Variants in EEPD1 observed in about 807,000 individuals in gnomAD.
EEPD1 encodes endonuclease/exonuclease/phosphatase family domain containing 1, also known as endonuclease/exonuclease/phosphatase family domain-containing protein 1.
Under a neutral mutation model 46.3 loss-of-function variants are expected in EEPD1, and 17 were observed. The observed-to-expected ratio is 0.37, with a 90% CI of 0.25 to 0.55. EEPD1 has a LOEUF of 0.55. Ranked by LOEUF, EEPD1 falls within the 20% of genes least tolerant of loss-of-function variation. The pLI, the probability that EEPD1 is intolerant of heterozygous loss-of-function variation, is 0.83. For synonymous variants in EEPD1, 313 were observed against 315.6 expected (o/e 0.99, Z 0.09); for missense variants, 673 against 745.6 (o/e 0.90, Z 1.13).
chr7:36,155,301 G>T, intron 2 of EEPD1, 99 bp downstream of exon 2: 1 of 1,357,550 alleles, frequency 7.4e-7, no homozygotes, highest in Non-Finnish European at 9.6e-7. Context: ...GGGTAGGGAG[G>T]GTGCAAGAGT....
chr7:36,247,925 GCCT>G (rs1449161647), intron 3 of EEPD1, among the ~76,000 whole-genome samples: 2 of 152,160 alleles, frequency 1.3e-5, no homozygotes, highest in African/African-American at 4.8e-5. Flanking sequence ...GTTGGTGTTA[GCCT>G]CCTCCAGCAG....
At chr7:36,226,201 G>T (rs1034125725) in intron 2 of EEPD1, among the ~76,000 whole-genome samples, 2 of 152,298 alleles carry the variant, frequency 1.3e-5, no homozygotes, top group Non-Finnish European at 2.9e-5. Flanking sequence ...CTGCTTGTCC[G>T]AAATGGGATG....
At chr7:36,207,796 G>C (rs992564145) in intron 2 of EEPD1, among the ~76,000 whole-genome samples, 1 of 151,168 alleles carries the variant, frequency 6.6e-6, no homozygotes. Flanking sequence ...TTCTACTTTA[G>C]TAATCCTCGA....
At chr7:36,274,946 C>T (rs1004716374) in intron 3 of EEPD1, among the ~76,000 whole-genome samples, 1 of 152,204 alleles carries the variant, frequency 6.6e-6, no homozygotes, top group Admixed American at 6.5e-5. Context: ...CGGCCTAAGA[C>T]AAGGGCTTCT....
intron 5 of EEPD1, among the ~76,000 whole-genome samples, chr7:36,285,125 TC>T (rs1431830263): frequency 1.3e-5 from 2 of 152,148 alleles, no homozygotes; most frequent in African/African-American, 4.8e-5. Context: ...GGGGAGATTT[TC>T]CTACAGTCAG....
intron 3 of EEPD1, among the ~76,000 whole-genome samples, chr7:36,276,102 CCTA>C (rs1166301847): frequency 6.6e-6 from 1 of 152,126 alleles, no homozygotes; most frequent in Non-Finnish European, 1.5e-5. Context: ...GGCTGGGTAA[CCTA>C]CTGAGGCTGA....
At position 36,238,981 on chromosome 7, in the gene EEPD1, A is replaced by T. The variant is rs1786506343; in HGVS notation, c.879-4A>T. The T allele has an allele frequency of 6.9e-6, 11 of 1,603,076 alleles. No individual in the cohort carries two copies. The highest frequency in any genetic ancestry group is 9.3e-6 in the Non-Finnish European group (11 of 1,177,462). On this transcript the variant is annotated splice_polypyrimidine_tract_variant and splice_region_variant and intron_variant, in intron 2 of 7. Coordinates refer to ENST00000242108, the MANE Select transcript of EEPD1 (RefSeq NM_030636.3). ...AAGTGTGGTTTTGATTTTTTTTCTT[A>T]CAGCATCAAGCTTCTAGCTGTGCAA...
chr7:36,296,652 T>A (rs1455578098), intron 6 of EEPD1, among the ~76,000 whole-genome samples: 1 of 151,978 alleles, frequency 6.6e-6, no homozygotes, highest in African/African-American at 2.4e-5. Flanking sequence ...TGCCCAGTAG[T>A]ATGTTGAGTT....
intron 2 of EEPD1, among the ~76,000 whole-genome samples, chr7:36,184,311 A>C (rs1785325547): frequency 6.6e-6 from 1 of 152,210 alleles, no homozygotes; most frequent in African/African-American, 2.4e-5. Context: ...AGGCTATAGA[A>C]AATCAGGTGG....
intron 2 of EEPD1, among the ~76,000 whole-genome samples, chr7:36,177,465 A>G (rs887432465): frequency 6.6e-6 from 1 of 151,948 alleles, no homozygotes; most frequent in Non-Finnish European, 1.5e-5. Flanking sequence ...TCTCATCTTT[A>G]TGTCCATGTG....
intron 3 of EEPD1, among the ~76,000 whole-genome samples, chr7:36,279,681 A>C (rs1787232184): frequency 6.6e-6 from 1 of 152,230 alleles, no homozygotes; most frequent in Non-Finnish European, 1.5e-5. Context: ...CGGCCACAGC[A>C]GCTCTCAAAC....
chr7:36,219,806 A>AGTGTGTGTGTGT (rs70977121), intron 2 of EEPD1, among the ~76,000 whole-genome samples: 976 of 75,364 alleles, frequency 0.013, 18 homozygotes, highest in Non-Finnish European at 0.015. Context: ...AGAGAGAGAG[A>AGTGTGTGTGTGT]GTGTGTGTGT....
chr7:36,216,338 G>A (rs1786029515), intron 2 of EEPD1, among the ~76,000 whole-genome samples: 1 of 151,818 alleles, frequency 6.6e-6, no homozygotes, highest in Admixed American at 6.6e-5. Context: ...TGGTTCTGAG[G>A]AAACAATTGG....
intron 5 of EEPD1, among the ~76,000 whole-genome samples, chr7:36,285,950 C>T (rs894827164): frequency 1.3e-5 from 2 of 152,144 alleles, no homozygotes; most frequent in African/African-American, 4.8e-5. Flanking sequence ...TCTGTCTGCA[C>T]ATGTACACCT....
At chr7:36,222,627 C>A (rs559731984) in intron 2 of EEPD1, among the ~76,000 whole-genome samples, 2 of 152,196 alleles carry the variant, frequency 1.3e-5, no homozygotes, top group East Asian at 3.9e-4. Context: ...GATTTATAAA[C>A]AAAAGACATT....
chr7:36,167,367 T>C (rs140874325), intron 2 of EEPD1, among the ~76,000 whole-genome samples: 26 of 152,300 alleles, frequency 1.7e-4, no homozygotes, highest in African/African-American at 5.8e-4. Context: ...AGTACTTGTT[T>C]CACAGTTTAA....
At chr7:36,283,049 T>A (rs1303510309) in intron 4 of EEPD1, among the ~76,000 whole-genome samples, 1 of 152,154 alleles carries the variant, frequency 6.6e-6, no homozygotes, top group East Asian at 1.9e-4. Flanking sequence ...CCCAGCTCCC[T>A]AGGGCTTACA....
chr7:36,191,656 T>C (rs1406632858), intron 2 of EEPD1, among the ~76,000 whole-genome samples: 2 of 152,226 alleles, frequency 1.3e-5, no homozygotes, highest in East Asian at 3.9e-4. Context: ...AGACTGGGAA[T>C]GATTCAGTGA....
chr7:36,221,171 A>G (rs1230698047), intron 2 of EEPD1, among the ~76,000 whole-genome samples: 1 of 152,220 alleles, frequency 6.6e-6, no homozygotes, highest in Admixed American at 6.5e-5. Context: ...GAAGAGTTTC[A>G]TCCTTCAGTT....
Sources: allele counts gnomAD v4.1 joint callset (sites outside exome capture counted in the v4.1 genomes callset), GRCh38; gene constraint gnomAD v4.1.1; transcripts MANE v1.5; gene names NCBI Gene and HGNC (gene_info 2026-07-23, HGNC 2026-07-21).